SEL1L2: variants seen among roughly 807,000 people sequenced by gnomAD.
The protein encoded by SEL1L2 is SEL1L2 adaptor subunit of SYVN1 ubiquitin ligase, also known as protein sel-1 homolog 2.
In SEL1L2, 89 loss-of-function variants were observed where a neutral mutation model predicts 98.8. The observed-to-expected ratio is 0.90, with a 90% confidence interval of 0.76 to 1.07. The LOEUF (loss-of-function observed/expected upper bound fraction) is 1.07. Ranked by LOEUF, SEL1L2 falls within the 50% of genes least tolerant of loss-of-function variation. SEL1L2 has a pLI of 0.00. For missense variants in SEL1L2, 788 were observed against 812.0 expected, an observed-to-expected ratio of 0.97 and a Z score of 0.36; for synonymous variants, 262 against 278.5, an observed-to-expected ratio of 0.94 and a Z score of 0.59.
intron 2 of SEL1L2, among the ~76,000 whole-genome samples, chr20:13,954,323 A>T (rs932956396): frequency 1.6e-4 from 24 of 152,142 alleles, no homozygotes; most frequent in African/African-American, 5.8e-4. Flanking sequence ...GAGTCATGTA[A>T]CACTATGGTA....
intron 1 of SEL1L2, among the ~76,000 whole-genome samples, chr20:13,973,157 A>G (rs1286693426): frequency 1.3e-5 from 2 of 152,306 alleles, no homozygotes. Context: ...CAATTTTGCT[A>G]TTCAGCCTTA....
chr20:13,937,978 A>G (rs1160101719), intron 2 of SEL1L2, among the ~76,000 whole-genome samples: 1 of 152,182 alleles, frequency 6.6e-6, no homozygotes, highest in Admixed American at 6.5e-5. Context: ...GACACTTCCA[A>G]AGTAGGACCC....
chr20:13,854,781 T>C (rs1017184741), intron 18 of SEL1L2, among the ~76,000 whole-genome samples: 2 of 152,106 alleles, frequency 1.3e-5, no homozygotes, highest in Non-Finnish European at 2.9e-5. Context: ...TAGCCAGGTG[T>C]GGTGGCTCAC....
chr20:13,882,909 C>T (rs1055954618), intron 10 of SEL1L2, among the ~76,000 whole-genome samples: 3 of 150,328 alleles, frequency 2.0e-5, no homozygotes, highest in Non-Finnish European at 3.0e-5. Context: ...CTCCGCCTCC[C>T]GGGTTCACGC....
intron 4 of SEL1L2, among the ~76,000 whole-genome samples, chr20:13,917,783 T>A (rs1568965391): frequency 7.5e-6 from 1 of 133,188 alleles, no homozygotes; most frequent in Non-Finnish European, 1.6e-5. Context: ...TATTTCTTTC[T>A]TTCTTTTTTT....
chr20:13,876,030 G>A lies in SEL1L2; in HGVS notation c.1104+8C>T. The A allele has an allele frequency of 6.2e-7, 1 of 1,607,984 alleles. No individual in the cohort carries two copies. The highest frequency in any genetic ancestry group is 8.5e-7 in the Non-Finnish European group (1 of 1,174,318). On this transcript the variant is annotated splice_region_variant and intron_variant, in intron 12 of 19. Coordinates refer to ENST00000284951, the MANE Select transcript of SEL1L2 (RefSeq NM_025229.2). ...GTATGTGTTTACAACAGTGCATTGA[G>A]GACATACCTTACTGGCTGCCATGGA...
At chr20:13,895,148 A>G (rs1822275754) in intron 5 of SEL1L2, among the ~76,000 whole-genome samples, 1 of 152,228 alleles carries the variant, frequency 6.6e-6, no homozygotes, top group Non-Finnish European at 1.5e-5. Context: ...GTTTCAACAT[A>G]TAAAAGTCAA....
chr20:13,883,263 G>A (rs551260624), intron 10 of SEL1L2, among the ~76,000 whole-genome samples: 20 of 152,292 alleles, frequency 1.3e-4, no homozygotes, highest in Non-Finnish European at 2.8e-4. Flanking sequence ...AATTAAACTC[G>A]TCTTCTTGGG....
chr20:13,934,133 C>T (rs1364882306), intron 2 of SEL1L2, among the ~76,000 whole-genome samples: 2 of 149,766 alleles, frequency 1.3e-5, no homozygotes, highest in Non-Finnish European at 3.0e-5. Context: ...TACCCTTTCC[C>T]CCCAATTCCC....
chr20:13,872,618 C>T (rs1056895374), intron 12 of SEL1L2, among the ~76,000 whole-genome samples: 29 of 151,804 alleles, frequency 1.9e-4, no homozygotes. Context: ...GGGAAGGAAA[C>T]AGATATGAAA....
intron 5 of SEL1L2, among the ~76,000 whole-genome samples, chr20:13,891,461 G>A (rs2047200146): frequency 6.6e-6 from 1 of 152,080 alleles, no homozygotes; most frequent in Admixed American, 6.5e-5. Flanking sequence ...AAGATCAAGA[G>A]ATTGAGACCC....
At chr20:13,905,133 C>A (rs1484428997) in intron 5 of SEL1L2, among the ~76,000 whole-genome samples, 9 of 152,128 alleles carry the variant, frequency 5.9e-5, no homozygotes, top group Admixed American at 5.9e-4. Context: ...TACACTTCCA[C>A]TCTCTTTAGC....
At chr20:13,943,511 T>C (rs34586733) in intron 2 of SEL1L2, among the ~76,000 whole-genome samples, 32,463 of 151,228 alleles carry the variant, frequency 0.21, 3,981 homozygotes, top group African/African-American at 0.34. Context: ...CTTTCAGCAC[T>C]TCTTTTCTCT....
At chr20:13,942,029 TA>T (rs2049805308) in intron 2 of SEL1L2, among the ~76,000 whole-genome samples, 1 of 152,194 alleles carries the variant, frequency 6.6e-6, no homozygotes, top group African/African-American at 2.4e-5. Context: ...ATTCTGCTGA[TA>T]AAGCTCTTGG....
At chr20:13,916,407 C>T (rs552876898) in intron 4 of SEL1L2, among the ~76,000 whole-genome samples, 1 of 152,186 alleles carries the variant, frequency 6.6e-6, no homozygotes, top group Admixed American at 6.5e-5. Flanking sequence ...AAGGAGACAG[C>T]AGGCCATCCT....
intron 1 of SEL1L2, among the ~76,000 whole-genome samples, chr20:13,985,106 C>T (rs893511961): frequency 8.6e-5 from 13 of 151,986 alleles, no homozygotes; most frequent in Non-Finnish European, 1.9e-4. Context: ...CCCCTCTCCC[C>T]CAACCCTCAC....
At chr20:13,885,282 C>T (rs2046896044) in intron 10 of SEL1L2, 65 bp downstream of exon 10, 2 of 1,049,962 alleles carry the variant, frequency 1.9e-6, no homozygotes, top group Non-Finnish European at 3.0e-6. Context: ...GCTTTCACTT[C>T]CCTGCCAGCC....
At chr20:13,857,034 T>C (rs375513369) in intron 18 of SEL1L2, among the ~76,000 whole-genome samples, 2 of 152,214 alleles carry the variant, frequency 1.3e-5, no homozygotes, top group Non-Finnish European at 2.9e-5. Flanking sequence ...GAGAAGGTGA[T>C]AGCACCTTGT....
At position 13,854,978 on chromosome 20, in the gene SEL1L2, G is replaced by T. The variant is rs918663189; in HGVS notation, c.1818+4284C>A. ...TGGCAGGAGAATTGCTTGAACCTGG[G>T]AGGCAGAGGTTGCAGTGACCGAAGA... On this transcript the variant is annotated intron_variant, in intron 18 of 19. Coordinates refer to ENST00000284951, the MANE Select transcript of SEL1L2 (RefSeq NM_025229.2). Among the ~76,000 whole-genome samples, 4 of 151,424 alleles carry T rather than the reference G, an allele frequency of 2.6e-5. No individual in the cohort carries two copies. In the East Asian group the frequency reaches 5.8e-4, roughly 22 times the overall value.
Sources: gnomAD v4.1 joint callset for allele counts (sites outside exome capture counted in the v4.1 genomes callset) on GRCh38, gnomAD v4.1.1 for gene constraint, MANE v1.5 for transcripts, NCBI Gene and HGNC (gene_info 2026-07-23, HGNC 2026-07-21) for gene names.